COL4A6: variants seen among roughly 807,000 people sequenced by gnomAD.
COL4A6 encodes the protein collagen alpha-6(IV) chain.
A neutral mutation model predicts 126.7 loss-of-function variants in COL4A6; 59 were observed. That is an observed-to-expected ratio of 0.47 (90% CI 0.38 to 0.58). The LOEUF (loss-of-function observed/expected upper bound fraction) is 0.58. COL4A6 is among the 20% of genes least tolerant of loss of function. The pLI, the probability that COL4A6 is intolerant of heterozygous loss-of-function variation, is 0.00. For missense variants in COL4A6, 1,285 were observed against 1,337.3 expected (o/e 0.96, Z 0.61); for synonymous variants, 547 against 496.6 (o/e 1.10, Z -1.35).
In COL4A6 at chrX:108,275,404, C is replaced by T. The variant is rs1407511820; in HGVS notation, c.144+35344G>A. Among the ~76,000 whole-genome samples, 5 of 112,271 alleles carry T rather than the reference C, an allele frequency of 4.5e-5. No homozygotes were observed. The Admixed American group carries it at 4.7e-4, about 11-fold the overall frequency. On this transcript the variant is annotated intron_variant, in intron 3 of 44. Coordinates refer to ENST00000334504, the MANE Select transcript of COL4A6 (RefSeq NM_033641.4). ...CCATATTTATCCTGTGTTTTCCTAT[C>T]TGTATGGCACACTCAAATTACTCCA...
chrX:108,168,801 A>T (rs1235721202), intron 37 of COL4A6, among the ~76,000 whole-genome samples: 1 of 111,607 alleles, frequency 9.0e-6, no homozygotes, highest in Non-Finnish European at 1.9e-5. Flanking sequence ...CAGAGCCCAT[A>T]CTCTTAACCA....
At chrX:108,175,246 G>C in intron 29 of COL4A6, 31 bp from the exon 30 acceptor site, 8 of 1,141,234 alleles carry the variant, frequency 7.0e-6, no homozygotes, top group Non-Finnish European at 7.0e-6. Flanking sequence ...ATGAGAAAGA[G>C]AGCTTAGACG....
intron 2 of COL4A6, among the ~76,000 whole-genome samples, chrX:108,369,648 G>A (rs1263946109): frequency 8.9e-6 from 1 of 112,113 alleles, no homozygotes; most frequent in African/African-American, 3.2e-5. Flanking sequence ...TTTCATGAAA[G>A]GTTTCCAGGT....
intron 2 of COL4A6, among the ~76,000 whole-genome samples, chrX:108,320,295 C>T (rs1414559489): frequency 1.8e-5 from 2 of 111,435 alleles, no homozygotes; most frequent in Admixed American, 9.5e-5. Flanking sequence ...TGGACTTAAA[C>T]GAACATCAGT....
chrX:108,174,671 C>G (rs2034422450), intron 30 of COL4A6, 50 bp from the exon 31 acceptor site: 1 of 1,088,563 alleles, frequency 9.2e-7, no homozygotes. Flanking sequence ...CAAGAAAAAC[C>G]CAGCTTGCCA....
At chrX:108,210,988 C>T (rs1242913168) in intron 7 of COL4A6, among the ~76,000 whole-genome samples, 2 of 111,692 alleles carry the variant, frequency 1.8e-5, no homozygotes, top group Non-Finnish European at 3.8e-5. Flanking sequence ...GCATCTTCTC[C>T]TCAGATGTTG....
At chrX:108,219,227 T>C (rs2035943906) in intron 5 of COL4A6, among the ~76,000 whole-genome samples, 1 of 112,516 alleles carries the variant, frequency 8.9e-6, no homozygotes, top group Non-Finnish European at 1.9e-5. Context: ...GTAAAAACTT[T>C]AAAGGAAAAT....
chrX:108,157,731 A>G (rs2033786868), intron 44 of COL4A6, among the ~76,000 whole-genome samples: 1 of 111,469 alleles, frequency 9.0e-6, no homozygotes, highest in South Asian at 3.8e-4. Context: ...ACAGTCCAAA[A>G]CCTACTGAAG....
rs35855359 is a variant in COL4A6, at chrX:108,371,574, T to TAAA, written c.64-60749_64-60747dup. Among the ~76,000 whole-genome samples, 18 of 51,698 alleles carry TAAA rather than the reference T, an allele frequency of 3.5e-4. No individual in the cohort carries two copies. In the East Asian group the frequency reaches 5.6e-3, roughly 16 times the overall value. The allele number at this position is 51,698 out of a possible 115,157, so 44.9% of individuals were successfully genotyped here. A position where few individuals can be genotyped will look rare whatever the true frequency, so the allele number is the denominator to read the frequency against. On this transcript the variant is annotated intron_variant, in intron 2 of 44. Coordinates refer to ENST00000334504, the MANE Select transcript of COL4A6 (RefSeq NM_033641.4). ...GTAACATGGAAATACTCTGTCTCTA[T>TAAA]AAAAAAAAAAAAAAAAAAAAAACTC...
rs745684909 is a variant in COL4A6, at chrX:108,160,447, C to T, written c.4525+16G>A. ...GGGACAGGTGACCAGGGCTGGCTGTCAGAGCTGGTACCTACCCAGGTCCTG... is the reference window on the plus strand; with the variant it reads ...GGGACAGGTGACCAGGGCTGGCTGTTAGAGCTGGTACCTACCCAGGTCCTG... On this transcript the variant is annotated intron_variant, in intron 43 of 44. Transcript: ENST00000334504. 2 of 1,175,939 alleles carry T rather than the reference C, an allele frequency of 1.7e-6. No homozygotes were observed. The highest frequency in any genetic ancestry group is 1.8e-5 in the African/African-American group (1 of 56,320).
At chrX:108,399,508 A>T (rs1000253538) in intron 2 of COL4A6, among the ~76,000 whole-genome samples, 5 of 111,259 alleles carry the variant, frequency 4.5e-5, no homozygotes, top group Admixed American at 9.6e-5. Flanking sequence ...AGACAATAGG[A>T]TATGTTCCTA....
chrX:108,278,094 T>G (rs1387866660), intron 3 of COL4A6, among the ~76,000 whole-genome samples: 1 of 111,345 alleles, frequency 9.0e-6, no homozygotes, highest in Non-Finnish European at 1.9e-5. Context: ...CCTCTCCTCC[T>G]CCAAAGGAAC....
intron 40 of COL4A6, 72 bp downstream of exon 40, chrX:108,164,528 T>G: frequency 2.0e-6 from 2 of 978,121 alleles, no homozygotes; most frequent in South Asian, 4.0e-5. Flanking sequence ...TGAGCAATGA[T>G]GCCTGAAGGA....
chrX:108,331,258 T>C (rs1054395671), intron 2 of COL4A6, among the ~76,000 whole-genome samples: 1 of 111,877 alleles, frequency 8.9e-6, no homozygotes, highest in African/African-American at 3.3e-5. Context: ...TATTTGTGTG[T>C]GTGTATGTAC....
At position 108,205,690 on chromosome X, in the gene COL4A6, A is replaced by T; in HGVS notation, c.615T>A (p.Pro205=). Residue 205 remains proline (P), a synonymous_variant, in exon 10 of 45, where the codon CCT becomes CCA. Transcript: ENST00000334504. ...GPAGPPGLQG[P]PGPPGPLGPD... ...GACCAAGAGGACCAGGAGGCCCTGG[A>T]GGACCCTAGATTTTTTTTAAAAATA... is the stretch of plus-strand genomic sequence containing the variant. The T allele has an allele frequency of 6.6e-6, 8 of 1,205,832 alleles. No homozygotes were observed. The highest frequency in any genetic ancestry group is 7.8e-6 in the Non-Finnish European group (7 of 891,998).
intron 3 of COL4A6, among the ~76,000 whole-genome samples, chrX:108,291,311 C>T (rs769163029): frequency 2.2e-4 from 25 of 112,482 alleles, no homozygotes; most frequent in Non-Finnish European, 4.3e-4. Context: ...CATGTCATTT[C>T]AACCTTTTTT....
At chrX:108,379,147 G>C (rs1412176515) in intron 2 of COL4A6, among the ~76,000 whole-genome samples, 2 of 112,335 alleles carry the variant, frequency 1.8e-5, no homozygotes, top group African/African-American at 3.2e-5. Flanking sequence ...GGATGTGTTA[G>C]GTATTATGTT....
chrX:108,344,214 GTACT>G (rs2039658268), intron 2 of COL4A6, among the ~76,000 whole-genome samples: 2 of 111,130 alleles, frequency 1.8e-5, no homozygotes, highest in Admixed American at 1.9e-4. Context: ...CACTGAGAAT[GTACT>G]TAAAGGCAAA....
chrX:108,409,504 C>A (rs776430076), intron 2 of COL4A6, among the ~76,000 whole-genome samples: 1 of 111,435 alleles, frequency 9.0e-6, no homozygotes, highest in South Asian at 3.8e-4. Context: ...TTTACCAGTA[C>A]AAAAATTCAG....
Sources: allele counts gnomAD v4.1 joint callset (sites outside exome capture counted in the v4.1 genomes callset), GRCh38; gene constraint gnomAD v4.1.1; transcripts MANE v1.5; gene names NCBI Gene and HGNC (gene_info 2026-07-23, HGNC 2026-07-21).